The following RRM2 variants were observed in gnomAD, a reference collection of about 807,000 sequenced individuals.
RRM2 encodes ribonucleotide reductase regulatory subunit M2.
RRM2 carries 6 observed loss-of-function variants against 45.9 expected under a neutral mutation model. The observed-to-expected ratio is 0.13, with a 90% CI of 0.07 to 0.26. The LOEUF is 0.26. Ranked by LOEUF, RRM2 falls within the 10% of genes least tolerant of loss-of-function variation. The pLI is 1.00. For synonymous variants in RRM2, 177 were observed against 173.0 expected (o/e 1.02, Z -0.18); for missense variants, 343 against 489.5 (o/e 0.70, Z 2.82).
At chr2:10,191,544 CA>C (rs1664307178) in intron 3 of RRM2, among the ~76,000 whole-genome samples, 2 of 152,092 alleles carry the variant, frequency 1.3e-5, no homozygotes, top group East Asian at 3.9e-4. Flanking sequence ...CAGCTGGGTG[CA>C]CAGGCAGAGG....
chr2:10,189,417 A>G (rs1010803261), intron 3 of RRM2, among the ~76,000 whole-genome samples: 3 of 152,254 alleles, frequency 2.0e-5, no homozygotes, highest in African/African-American at 7.2e-5. Flanking sequence ...TGACGAGGCC[A>G]CACAGGGCAG....
chr2:10,202,836 G>A (rs62127597), intron 3 of RRM2, among the ~76,000 whole-genome samples: 1 of 151,742 alleles, frequency 6.6e-6, no homozygotes, highest in Non-Finnish European at 1.5e-5. Flanking sequence ...GAGCTCAAGC[G>A]ATTTGCCTGC....
At chr2:10,138,974 G>A (rs893272592), upstream of RRM2, among the ~76,000 whole-genome samples, 3 of 152,200 alleles carry the variant, frequency 2.0e-5, no homozygotes, top group Non-Finnish European at 4.4e-5. Flanking sequence ...CGGACGTGGT[G>A]ATGGGTGCCT....
chr2:10,177,215 CA>C (rs1395503984), intron 3 of RRM2, among the ~76,000 whole-genome samples: 1 of 151,948 alleles, frequency 6.6e-6, no homozygotes, highest in African/African-American at 2.4e-5. Context: ...CATTGCACTC[CA>C]GCCTGGGCGA....
downstream of RRM2, among the ~76,000 whole-genome samples, chr2:10,133,995 A>T (rs573353224): frequency 6.6e-6 from 1 of 151,970 alleles, no homozygotes. Flanking sequence ...CCTGGCCAAC[A>T]TGGTGAGACC....
intron 3 of RRM2, among the ~76,000 whole-genome samples, chr2:10,189,159 A>G (rs1051903469): frequency 2.6e-5 from 4 of 152,198 alleles, no homozygotes; most frequent in Non-Finnish European, 5.9e-5. Context: ...CCCAGAACAC[A>G]CGCCCTTCCC....
chr2:10,181,363 T>C (rs1195571484), intron 3 of RRM2, among the ~76,000 whole-genome samples: 1 of 152,228 alleles, frequency 6.6e-6, no homozygotes, highest in Non-Finnish European at 1.5e-5. Context: ...AGAAATGTAT[T>C]AGTTTTTGCA....
intron 3 of RRM2, among the ~76,000 whole-genome samples, chr2:10,157,693 T>C (rs184083796): frequency 1.3e-5 from 2 of 152,348 alleles, no homozygotes; most frequent in Non-Finnish European, 2.9e-5. Context: ...GAGTATTCCA[T>C]TGTTTGACTA....
At chr2:10,173,947 A>G (rs1424281118) in intron 3 of RRM2, among the ~76,000 whole-genome samples, 1 of 152,122 alleles carries the variant, frequency 6.6e-6, no homozygotes, top group African/African-American at 2.4e-5. Context: ...AAAGCCTTGG[A>G]GGTGGGACTG....
At chr2:10,142,595 G>C (rs768764672) in intron 3 of RRM2, among the ~76,000 whole-genome samples, 1 of 151,934 alleles carries the variant, frequency 6.6e-6, no homozygotes, top group Non-Finnish European at 1.5e-5. Context: ...CAGACAGCAC[G>C]GTCCTGCGAT....
At chr2:10,173,282 C>T (rs1663841007) in intron 3 of RRM2, among the ~76,000 whole-genome samples, 1 of 152,162 alleles carries the variant, frequency 6.6e-6, no homozygotes, top group African/African-American at 2.4e-5. Context: ...TCTTTGCCGT[C>T]TTATTTCATC....
intron 3 of RRM2, among the ~76,000 whole-genome samples, chr2:10,168,409 A>G (rs747711650): frequency 1.3e-5 from 2 of 152,252 alleles, no homozygotes; most frequent in East Asian, 1.9e-4. Context: ...AAAGGAATTT[A>G]TGGCAGTTTC....
intron 3 of RRM2, among the ~76,000 whole-genome samples, chr2:10,177,907 C>T (rs945515702): frequency 2.6e-5 from 4 of 151,980 alleles, no homozygotes; most frequent in Non-Finnish European, 5.9e-5. Context: ...CAGGCATGAG[C>T]CACTGCGCTC....
chr2:10,197,241 T>C (rs979402525), intron 3 of RRM2, among the ~76,000 whole-genome samples: 2 of 152,294 alleles, frequency 1.3e-5, no homozygotes, highest in Non-Finnish European at 2.9e-5. Flanking sequence ...AAGTCACAGG[T>C]AGTCACAGCT....
At position 10,171,777 on chromosome 2, in the gene RRM2, T is replaced by C. The variant is rs182972033; in HGVS notation, n.482+29402T>C. Among the ~76,000 whole-genome samples the C allele has an allele frequency of 1.3e-5, 2 of 152,332 alleles. No individual in the cohort carries two copies. Among genetic ancestry groups the C allele is most frequent in the African/African-American group, 4.8e-5 (2 of 41,578 alleles). ...CACAGACACCTCTCCACCAGCAACG[T>C]CCCTGAAACAGTCTTTCTTATTAAA... is the stretch of plus-strand genomic sequence containing the variant. On this transcript the variant is annotated intron_variant and non_coding_transcript_variant, in intron 3 of 3. Transcript: ENST00000381786. This position sits in a 1 kb window ranked among gnomAD's most constrained non-coding sequence, Gnocchi z 4.1.
chr2:10,191,256 G>A (rs1664300491), intron 3 of RRM2, among the ~76,000 whole-genome samples: 1 of 152,226 alleles, frequency 6.6e-6, no homozygotes, highest in Non-Finnish European at 1.5e-5. Context: ...GACTCTTGGG[G>A]CAGCGTGGCC....
chr2:10,200,578 CA>C lies in RRM2; in HGVS notation n.483-9732del, dbSNP rs1432977385. Among the ~76,000 whole-genome samples, 7 of 23,260 alleles carry C rather than the reference CA, an allele frequency of 3.0e-4. 2 individuals are homozygous for C. Among genetic ancestry groups the C allele is most frequent in the Non-Finnish European group, 3.5e-4 (3 of 8,500 alleles). The allele number at this position is 23,260 out of a possible 152,430, so 15.3% of individuals were successfully genotyped here. A position where few individuals can be genotyped will look rare whatever the true frequency, so the allele number is the denominator to read the frequency against. ...CCGCGCGCGCAAAATATGAGGCCCACAGGGACCGCGCGCGCAAAATATGAGG... is the reference window on the plus strand; with the variant it reads ...CCGCGCGCGCAAAATATGAGGCCCACGGGACCGCGCGCGCAAAATATGAGG... On this transcript the variant is annotated intron_variant and non_coding_transcript_variant, in intron 3 of 3. Coordinates refer to the RRM2 transcript ENST00000381786.
intron 2 of RRM2, chr2:10,142,194 G>A: frequency 6.4e-7 from 1 of 1,567,828 alleles, no homozygotes; most frequent in East Asian, 2.4e-5. Context: ...TGGGTCAGTG[G>A]AGTGGGTGTG....
chr2:10,207,716 C>T (rs1346961239), intron 3 of RRM2, among the ~76,000 whole-genome samples: 1 of 152,176 alleles, frequency 6.6e-6, no homozygotes, highest in East Asian at 1.9e-4. Context: ...CCTGCCTTGA[C>T]CTCCCTGACT....
Sources: allele counts gnomAD v4.1 joint callset (sites outside exome capture counted in the v4.1 genomes callset), GRCh38; gene constraint gnomAD v4.1.1; non-coding constraint Gnocchi (gnomAD v3.1); transcripts MANE v1.5; gene names NCBI Gene and HGNC (gene_info 2026-07-23, HGNC 2026-07-21).